Variants in MAF observed in about 807,000 individuals in gnomAD.
MAF encodes MAF bZIP transcription factor, also known as transcription factor Maf.
MAF carries 10 observed loss-of-function variants against 22.0 expected under a neutral mutation model. The ratio of observed to expected loss-of-function variants is 0.45; its 90% CI spans 0.28 to 0.77. The LOEUF (loss-of-function observed/expected upper bound fraction) is 0.77. Ranked by LOEUF, MAF falls within the 30% of genes least tolerant of loss-of-function variation. The pLI, the probability that MAF is intolerant of heterozygous loss-of-function variation, is 0.12. For missense variants in MAF, 544 were observed against 548.4 expected, an observed-to-expected ratio of 0.99 and a Z score of 0.08; for synonymous variants, 337 against 255.8, an observed-to-expected ratio of 1.32 and a Z score of -3.03.
At chr16:79,538,988 G>A in the MAF span, among the ~76,000 whole-genome samples, 1 of 152,224 alleles carries the variant, frequency 6.6e-6, no homozygotes, top group South Asian at 2.1e-4. Flanking sequence ...ACAATTCATG[G>A]AAGGAGGAAC....
the MAF span, among the ~76,000 whole-genome samples, chr16:79,468,391 G>C: frequency 4.6e-5 from 7 of 152,242 alleles, no homozygotes; most frequent in Admixed American, 2.6e-4. Context: ...TCCTGGGTGA[G>C]AGGATTAGCA....
chr16:79,539,425 A>T, the MAF span, among the ~76,000 whole-genome samples: 1 of 152,150 alleles, frequency 6.6e-6, no homozygotes, highest in Non-Finnish European at 1.5e-5. Context: ...AATCACTCGA[A>T]CCCAGGAGGT....
the MAF span, among the ~76,000 whole-genome samples, chr16:79,345,908 G>A: frequency 6.6e-6 from 1 of 151,122 alleles, no homozygotes; most frequent in South Asian, 2.1e-4. Context: ...GCTTTGATTA[G>A]CTATAATTTC....
the MAF span, among the ~76,000 whole-genome samples, chr16:79,209,251 C>T: frequency 1.3e-5 from 2 of 152,184 alleles, no homozygotes; most frequent in Non-Finnish European, 2.9e-5. Context: ...AAAGGTAGGT[C>T]CCCAGCTCCT....
the MAF span, among the ~76,000 whole-genome samples, chr16:79,455,012 C>T: frequency 2.6e-5 from 4 of 151,956 alleles, no homozygotes; most frequent in South Asian, 8.3e-4. Context: ...AGGAGAATCA[C>T]TTGGACCCGG....
chr16:79,495,685 C>T, the MAF span, among the ~76,000 whole-genome samples: 9,400 of 152,190 alleles, frequency 0.062, 471 homozygotes, highest in African/African-American at 0.14. Context: ...AGTTTTTATA[C>T]TATCTCAGAA....
At chr16:79,345,610 C>T in the MAF span, among the ~76,000 whole-genome samples, 33 of 151,656 alleles carry the variant, frequency 2.2e-4, no homozygotes, top group Admixed American at 4.0e-4. Context: ...CACCTGTAAT[C>T]CCAGCTACTC....
chr16:79,219,009 C>T, the MAF span, among the ~76,000 whole-genome samples: 13 of 152,198 alleles, frequency 8.5e-5, no homozygotes, highest in African/African-American at 3.1e-4. Context: ...GCTGATGCAC[C>T]GTCTGCTTTT....
the MAF span, among the ~76,000 whole-genome samples, chr16:79,320,226 T>C: frequency 6.6e-6 from 1 of 152,224 alleles, no homozygotes; most frequent in African/African-American, 2.4e-5. Context: ...CTTTGTCTGA[T>C]GTCTCTCTCT....
At chr16:79,452,951 G>A in the MAF span, among the ~76,000 whole-genome samples, 1 of 152,188 alleles carries the variant, frequency 6.6e-6, no homozygotes, top group African/African-American at 2.4e-5. Flanking sequence ...AATTAATTTT[G>A]CATTAAGCCT....
At chr16:79,444,019 C>T in the MAF span, among the ~76,000 whole-genome samples, 1 of 152,044 alleles carries the variant, frequency 6.6e-6, no homozygotes, top group Non-Finnish European at 1.5e-5. Flanking sequence ...TATATACGTA[C>T]ACACACAAAT....
chr16:79,542,935 T>G, the MAF span, among the ~76,000 whole-genome samples: 1 of 152,192 alleles, frequency 6.6e-6, no homozygotes, highest in Non-Finnish European at 1.5e-5. Flanking sequence ...AGTAAAGAAA[T>G]TATCCCATTG....
the MAF span, among the ~76,000 whole-genome samples, chr16:79,290,974 A>G: frequency 4.6e-4 from 70 of 152,264 alleles, 1 homozygote; most frequent in South Asian, 0.014. Flanking sequence ...ATGCTTATTC[A>G]CAATGACAAT....
At chr16:79,310,051 C>G in the MAF span, among the ~76,000 whole-genome samples, 1 of 152,078 alleles carries the variant, frequency 6.6e-6, no homozygotes, top group Non-Finnish European at 1.5e-5. Flanking sequence ...GGAAAAATAT[C>G]AAATCAAGAA....
chr16:79,262,095 T>G, the MAF span, among the ~76,000 whole-genome samples: 1 of 152,212 alleles, frequency 6.6e-6, no homozygotes, highest in African/African-American at 2.4e-5. Context: ...GGGGCTAATA[T>G]TTGGAGAGTC....
chr16:79,238,988 G>T, the MAF span, among the ~76,000 whole-genome samples: 2 of 151,964 alleles, frequency 1.3e-5, no homozygotes, highest in Non-Finnish European at 2.9e-5. Flanking sequence ...GTCACATCTT[G>T]TTGTCCTCAC....
the MAF span, among the ~76,000 whole-genome samples, chr16:79,407,214 G>A: frequency 1.3e-5 from 2 of 152,128 alleles, no homozygotes; most frequent in African/African-American, 4.8e-5. Flanking sequence ...ATTAACCTCG[G>A]TGTCCTGGAC....
At chr16:79,286,410 C>T in the MAF span, among the ~76,000 whole-genome samples, 1 of 152,186 alleles carries the variant, frequency 6.6e-6, no homozygotes, top group African/African-American at 2.4e-5. Flanking sequence ...GTTGGCCCCA[C>T]CATCAAGTAG....
At chr16:79,576,586 CGTT>C in the MAF span, among the ~76,000 whole-genome samples, 2 of 151,484 alleles carry the variant, frequency 1.3e-5, no homozygotes. Context: ...TATAAACTAA[CGTT>C]GTATGTTTTT....
Sources: gnomAD v4.1 joint callset for allele counts (sites outside exome capture counted in the v4.1 genomes callset) on GRCh38, gnomAD v4.1.1 for gene constraint, MANE v1.5 for transcripts, NCBI Gene and HGNC (gene_info 2026-07-23, HGNC 2026-07-21) for gene names.